The following TRMT11 variants were observed in gnomAD, a reference collection of about 807,000 sequenced individuals.
The protein encoded by TRMT11 is tRNA methyltransferase 11.
TRMT11 carries 53 observed loss-of-function variants against 62.8 expected under a neutral mutation model. The ratio of observed to expected loss-of-function variants is 0.84; its 90% CI spans 0.68 to 1.06. The LOEUF is 1.06. Among genes scored for constraint, TRMT11 ranks in the 50% least tolerant of loss-of-function variants. TRMT11 has a pLI of 0.00. For synonymous variants in TRMT11, 188 were observed against 190.3 expected, an observed-to-expected ratio of 0.99 and a Z score of 0.10; for missense variants, 556 against 553.4, an observed-to-expected ratio of 1.00 and a Z score of -0.05.
At chr6:126,175,437 A>T (rs563053779), upstream of TRMT11, among the ~76,000 whole-genome samples, 6 of 152,288 alleles carry the variant, frequency 3.9e-5, no homozygotes, top group South Asian at 1.2e-3. Flanking sequence ...CTGTTTTTGT[A>T]GCAAGAGTTA....
chr6:126,183,231 G>T (rs1778487716), intron 1 of TRMT11, among the ~76,000 whole-genome samples: 1 of 152,086 alleles, frequency 6.6e-6, no homozygotes, highest in African/African-American at 2.4e-5. Context: ...CATTAACAGG[G>T]TGCTTTGTTA....
At chr6:126,116,758 A>G (rs1464019795) in intron 21 of TRMT11, among the ~76,000 whole-genome samples, 1 of 152,076 alleles carries the variant, frequency 6.6e-6, no homozygotes, top group Non-Finnish European at 1.5e-5. Flanking sequence ...TACTGTACCT[A>G]ATACATTTAA....
At chr6:126,143,311 CA>C (rs1777940209) in intron 21 of TRMT11, among the ~76,000 whole-genome samples, 1 of 152,028 alleles carries the variant, frequency 6.6e-6, no homozygotes, top group Non-Finnish European at 1.5e-5. Flanking sequence ...GCCATATATA[CA>C]TAAGGGTATG....
At position 126,090,499 on chromosome 6, in the gene TRMT11, C is replaced by T. The variant is rs76157414; in HGVS notation, c.*1438-22367C>T. 1.0e-3 allele frequency among the ~76,000 whole-genome samples: 154 copies of T among 152,218 alleles called. 1 individual carries two copies. The East Asian group carries it at 0.028, about 28-fold the overall frequency. The stretch of plus-strand genomic sequence containing the variant: ...GTATATGTACACACATACAAGTAAA[C>T]AATTTAATATTGAACATAGACAAAG... On this transcript the variant is annotated intron_variant and NMD_transcript_variant, in intron 17 of 22. Coordinates refer to the TRMT11 transcript ENST00000648977.
At chr6:126,111,768 G>A (rs1305331048) in intron 17 of TRMT11, among the ~76,000 whole-genome samples, 1 of 152,000 alleles carries the variant, frequency 6.6e-6, no homozygotes, top group East Asian at 1.9e-4. Context: ...TGGAGTTTTG[G>A]GGTCAGAGAG....
At chr6:125,987,192 G>A (rs954609920) in intron 1 of TRMT11, 1 of 152,388 alleles carries the variant, frequency 6.6e-6, no homozygotes, top group African/African-American at 2.4e-5. Flanking sequence ...AATGACAAAA[G>A]AGCGTCGGTA....
chr6:126,141,835 C>A (rs948567223), intron 21 of TRMT11, among the ~76,000 whole-genome samples: 1 of 151,978 alleles, frequency 6.6e-6, no homozygotes, highest in African/African-American at 2.4e-5. Flanking sequence ...ATAATATTTT[C>A]TTTCTCATAG....
Position 126,140,168 on chromosome 6 carries a change from A to G in TRMT11, c.*1823+24313A>G, listed in dbSNP as rs148242445. Among the ~76,000 whole-genome samples, 786 of 151,814 alleles carry G rather than the reference A, an allele frequency of 5.2e-3. 8 individuals are homozygous for G. The highest frequency in any genetic ancestry group is 0.041 in the Middle Eastern group (12 of 292). On this transcript the variant is annotated intron_variant and NMD_transcript_variant, in intron 21 of 22. Transcript: ENST00000648977. Reference sequence around the variant, plus strand: ...CTTATTTTTTGTCTTTTGTCTTTTAATATGGAGAATTGGTAGGTTCTCTAG... The same window carrying G: ...CTTATTTTTTGTCTTTTGTCTTTTAGTATGGAGAATTGGTAGGTTCTCTAG...
At chr6:126,046,548 G>A (rs7760768) in intron 16 of TRMT11, among the ~76,000 whole-genome samples, 1 of 152,154 alleles carries the variant, frequency 6.6e-6, no homozygotes, top group Non-Finnish European at 1.5e-5. Context: ...GGAGAAAGAT[G>A]ATTAGGGATG....
chr6:126,166,475 A>G (rs1778265071), intron 21 of TRMT11, among the ~76,000 whole-genome samples: 1 of 152,110 alleles, frequency 6.6e-6, no homozygotes, highest in Non-Finnish European at 1.5e-5. Context: ...CTGCAGAACA[A>G]CAAAGATTGC....
intron 3 of TRMT11, among the ~76,000 whole-genome samples, chr6:126,201,581 T>G (rs1384953589): frequency 6.6e-6 from 1 of 152,194 alleles, no homozygotes; most frequent in Non-Finnish European, 1.5e-5. Flanking sequence ...TTTGTGCAAA[T>G]GATATTTCAC....
chr6:126,183,862 C>T (rs1015071397), intron 1 of TRMT11, among the ~76,000 whole-genome samples: 33 of 152,156 alleles, frequency 2.2e-4, no homozygotes, highest in Non-Finnish European at 4.3e-4. Context: ...GAAGCTGATG[C>T]GAGCAACCTG....
the TRMT11 span, among the ~76,000 whole-genome samples, chr6:126,233,998 A>G: frequency 2.0e-5 from 3 of 152,120 alleles, no homozygotes; most frequent in Non-Finnish European, 4.4e-5. Context: ...TGCCTTTATT[A>G]TTACTATTGT....
At chr6:126,006,666 A>T (rs1583681947) in intron 7 of TRMT11, among the ~76,000 whole-genome samples, 1 of 151,920 alleles carries the variant, frequency 6.6e-6, no homozygotes, top group African/African-American at 2.4e-5. Flanking sequence ...GGTATAGCTA[A>T]ATGTAAAAAG....
intron 12 of TRMT11, among the ~76,000 whole-genome samples, chr6:126,025,848 G>A (rs1427321633): frequency 6.6e-6 from 1 of 151,968 alleles, no homozygotes; most frequent in African/African-American, 2.4e-5. Flanking sequence ...ATAACTTTTG[G>A]CCCACTTGGT....
chr6:125,994,042 G>C (rs1003188988), intron 2 of TRMT11, among the ~76,000 whole-genome samples: 17 of 152,148 alleles, frequency 1.1e-4, no homozygotes, highest in African/African-American at 3.9e-4. Context: ...TTAGTCAACA[G>C]TTGTGTCATA....
At chr6:126,203,151 G>A (rs548000368), downstream of TRMT11, among the ~76,000 whole-genome samples, 8 of 152,308 alleles carry the variant, frequency 5.3e-5, no homozygotes, top group South Asian at 2.1e-4. Context: ...CTGTGTGGTC[G>A]CACAGGGCCC....
At chr6:126,151,783 T>C (rs1343261612) in intron 21 of TRMT11, among the ~76,000 whole-genome samples, 2 of 144,910 alleles carry the variant, frequency 1.4e-5, no homozygotes, top group Non-Finnish European at 3.0e-5. Flanking sequence ...TTCACCCTTT[T>C]CCTTCCTTCC....
chr6:126,235,711 T>C, the TRMT11 span, among the ~76,000 whole-genome samples: 6 of 151,964 alleles, frequency 3.9e-5, no homozygotes, highest in African/African-American at 1.4e-4. Flanking sequence ...AGGATGGGGA[T>C]TGGGAGGGGA....
Sources: gnomAD v4.1 joint callset for allele counts (sites outside exome capture counted in the v4.1 genomes callset) on GRCh38, gnomAD v4.1.1 for gene constraint, MANE v1.5 for transcripts, NCBI Gene and HGNC (gene_info 2026-07-23, HGNC 2026-07-21) for gene names.